PILRA: variants seen among roughly 807,000 people sequenced by gnomAD.
The protein encoded by PILRA is paired immunoglobulin-like type 2 receptor alpha.
In PILRA, 37 loss-of-function variants were observed where a neutral mutation model predicts 33.1. The ratio of observed to expected loss-of-function variants is 1.12; its 90% CI spans 0.86 to 1.47. The LOEUF (loss-of-function observed/expected upper bound fraction) is 1.47. PILRA is among the 40% of genes most tolerant of loss of function. The pLI is 0.00. For synonymous variants in PILRA, 146 were observed against 149.9 expected (o/e 0.97, Z 0.19); for missense variants, 312 against 376.2 (o/e 0.83, Z 1.41).
chr7:100,399,414 G>A, intron 5 of PILRA, 74 bp downstream of exon 5: 1 of 1,420,112 alleles, frequency 7.0e-7, no homozygotes, highest in Non-Finnish European at 9.9e-7. Flanking sequence ...CCCCTACCTG[G>A]GTCCGTGCCC....
upstream of PILRA, chr7:100,373,374 G>C (rs1425762104): frequency 3.5e-6 from 2 of 567,222 alleles, no homozygotes; most frequent in East Asian, 2.9e-5. Context: ...CCAGCCCCTC[G>C]GCAGGAGGAC....
At chr7:100,384,546 C>T (rs1293959308) in intron 2 of PILRA, among the ~76,000 whole-genome samples, 2 of 151,478 alleles carry the variant, frequency 1.3e-5, no homozygotes, top group African/African-American at 2.4e-5. Flanking sequence ...CAGGGGAGCA[C>T]TACCACACCT....
Position 100,373,644 on chromosome 7 carries a change from G to A in PILRA, c.-13G>A. ...TCTGCTGGTCTCCCCGTCCCCTGGA[G>A]AAGAACAAGGCCATGGGTCGGCCCC... On this transcript the variant is annotated 5_prime_UTR_variant, in exon 1 of 7. Transcript: ENST00000198536. The A allele has an allele frequency of 6.2e-7, 1 of 1,613,512 alleles. No individual in the cohort carries two copies. The highest frequency in any genetic ancestry group is 1.1e-5 in the South Asian group (1 of 91,084).
At chr7:100,390,734 G>A (rs1306202275) in intron 3 of PILRA, among the ~76,000 whole-genome samples, 1 of 152,138 alleles carries the variant, frequency 6.6e-6, no homozygotes, top group Non-Finnish European at 1.5e-5. Context: ...TGGTGAGGGT[G>A]GTGTAGAGGT....
intron 2 of PILRA, among the ~76,000 whole-genome samples, chr7:100,385,498 C>G (rs534195950): frequency 6.6e-6 from 1 of 152,202 alleles, no homozygotes; most frequent in Non-Finnish European, 1.5e-5. Context: ...TGTTCTCTCA[C>G]AGATACAGAC....
chr7:100,392,962 C>G (rs1791417902), intron 3 of PILRA, among the ~76,000 whole-genome samples: 1 of 152,106 alleles, frequency 6.6e-6, no homozygotes, highest in South Asian at 2.1e-4. Context: ...TCAGTATGAC[C>G]AAGCCCCAAA....
intron 3 of PILRA, among the ~76,000 whole-genome samples, chr7:100,395,163 A>T (rs1363547426): frequency 2.0e-5 from 3 of 152,218 alleles, no homozygotes; most frequent in Admixed American, 2.0e-4. Flanking sequence ...ATTTTAACAG[A>T]CATTTCTCCA....
intron 2 of PILRA, among the ~76,000 whole-genome samples, chr7:100,381,757 CGCGCG>C (rs760028374): frequency 1.3e-5 from 2 of 152,064 alleles, no homozygotes; most frequent in Non-Finnish European, 2.9e-5. Flanking sequence ...ACCGGGGCTG[CGCGCG>C]GCGCTTGCGG....
intron 3 of PILRA, among the ~76,000 whole-genome samples, chr7:100,391,572 A>T (rs1294706098): frequency 6.6e-6 from 1 of 152,188 alleles, no homozygotes; most frequent in Non-Finnish European, 1.5e-5. Flanking sequence ...CTGTGGTCCC[A>T]GCTACTCCAG....
chr7:100,380,731 C>A (rs145577630), intron 2 of PILRA, among the ~76,000 whole-genome samples: 1 of 151,908 alleles, frequency 6.6e-6, no homozygotes, highest in African/African-American at 2.4e-5. Context: ...TTTGGTAGGC[C>A]GAGGCGGGCG....
At chr7:100,383,675 C>T (rs1455289449) in intron 2 of PILRA, among the ~76,000 whole-genome samples, 2 of 150,856 alleles carry the variant, frequency 1.3e-5, no homozygotes, top group East Asian at 1.9e-4. Context: ...CTCGCTCTGT[C>T]GCCCAGGCTG....
chr7:100,383,186 T>G (rs997914728), intron 2 of PILRA, among the ~76,000 whole-genome samples: 6 of 152,016 alleles, frequency 3.9e-5, no homozygotes, highest in Non-Finnish European at 7.4e-5. Flanking sequence ...GGGAAACCAG[T>G]CAGGGACGGG....
intron 2 of PILRA, among the ~76,000 whole-genome samples, chr7:100,383,731 G>A (rs995037488): frequency 2.0e-5 from 3 of 151,946 alleles, no homozygotes; most frequent in East Asian, 1.9e-4. Flanking sequence ...TTGCCTCCTG[G>A]GTTCAAGGGA....
At chr7:100,391,553 GGCGT>G (rs1791391128) in intron 3 of PILRA, among the ~76,000 whole-genome samples, 2 of 151,812 alleles carry the variant, frequency 1.3e-5, no homozygotes, top group Admixed American at 6.6e-5. Context: ...TGGGTGTGGT[GGCGT>G]GCGCCTGTGG....
intron 2 of PILRA, among the ~76,000 whole-genome samples, chr7:100,375,917 C>T (rs1054147161): frequency 6.6e-6 from 1 of 152,118 alleles, no homozygotes; most frequent in Non-Finnish European, 1.5e-5. Flanking sequence ...TCAGAAAGGG[C>T]GTCGGGGAAA....
At chr7:100,371,705 CCCT>C (rs1352042961), upstream of PILRA, among the ~76,000 whole-genome samples, 2 of 152,190 alleles carry the variant, frequency 1.3e-5, no homozygotes, top group Non-Finnish European at 2.9e-5. Context: ...CTCCTCCAGG[CCCT>C]CCTCCTCCTC....
chr7:100,387,539 A>T (rs1289542041), intron 2 of PILRA, among the ~76,000 whole-genome samples: 1 of 152,034 alleles, frequency 6.6e-6, no homozygotes, highest in East Asian at 1.9e-4. Context: ...TCTTAAATCA[A>T]TTTTTAAAAA....
intron 2 of PILRA, among the ~76,000 whole-genome samples, chr7:100,380,946 G>C (rs1281496853): frequency 6.6e-6 from 1 of 151,882 alleles, no homozygotes; most frequent in Non-Finnish European, 1.5e-5. Context: ...ACTCCAGCCT[G>C]AGTGACAGAG....
At position 100,399,755 on chromosome 7, in the gene PILRA, C is replaced by T. The variant is rs1438119040; in HGVS notation, c.790-30C>T. The T allele has an allele frequency of 5.6e-6, 9 of 1,610,864 alleles. No homozygotes were observed. In the Admixed American group the frequency reaches 1.5e-4, roughly 27 times the overall value. On this transcript the variant is annotated intron_variant, in intron 6 of 6. Transcript: ENST00000198536. ...ATGGGAACAGCTCCGTCTCCACTGTCTAACCCTTTCTCTCTGGGTTCTCGC... is the reference window on the plus strand; with the variant it reads ...ATGGGAACAGCTCCGTCTCCACTGTTTAACCCTTTCTCTCTGGGTTCTCGC...
Sources: allele counts gnomAD v4.1 joint callset (sites outside exome capture counted in the v4.1 genomes callset), GRCh38; gene constraint gnomAD v4.1.1; transcripts MANE v1.5; gene names NCBI Gene and HGNC (gene_info 2026-07-23, HGNC 2026-07-21).